IL1RAPL1: variants seen among roughly 807,000 people sequenced by gnomAD.
IL1RAPL1 encodes interleukin-1 receptor accessory protein-like 1.
Under a neutral mutation model 48.4 loss-of-function variants are expected in IL1RAPL1, and 3 were observed. The ratio of observed to expected loss-of-function variants is 0.06; its 90% CI spans 0.03 to 0.16. The LOEUF (loss-of-function observed/expected upper bound fraction) is 0.16. Ranked by LOEUF, IL1RAPL1 falls within the 10% of genes least tolerant of loss-of-function variation. The pLI is 1.00. For synonymous variants in IL1RAPL1, 185 were observed against 187.7 expected (o/e 0.99, Z 0.12); for missense variants, 349 against 530.6 (o/e 0.66, Z 3.36).
At chrX:28,667,263 C>T (rs764028910) in intron 1 of IL1RAPL1, among the ~76,000 whole-genome samples, 3 of 111,980 alleles carry the variant, frequency 2.7e-5, no homozygotes, top group South Asian at 7.5e-4. Context: ...TTTACAGCAC[C>T]GTTACCCTGT....
rs1926847446 is a variant in IL1RAPL1, at chrX:29,694,116, A to G, written c.778+25612A>G. Among the ~76,000 whole-genome samples the G allele has an allele frequency of 2.7e-5, 3 of 111,742 alleles. No individual in the cohort carries two copies. In the South Asian group the frequency reaches 1.1e-3, roughly 41 times the overall value. On this transcript the variant is annotated intron_variant, in intron 6 of 10. Transcript: ENST00000378993. ...TATTGGGCAGCAAAATCAAAACAGA[A>G]TCTGTTGTGTCATCTCTTTGGTACC...
Position 29,955,472 on chromosome X carries a change from T to G in IL1RAPL1, c.1743T>G (p.Phe581Leu). The change falls in exon 11 of 11, where the codon TTT becomes TTG. Residue 581 changes from phenylalanine to leucine, a missense_variant. Phe to Leu is a conservative substitution (Grantham distance 22, BLOSUM62 0). Coordinates refer to ENST00000378993, the MANE Select transcript of IL1RAPL1 (RefSeq NM_014271.4). ...TAGATGTCAGTGAGCAAGGGCCTTT[T>G]GGGGAGCTGCAGACTGTCTCGGCCA... Reference protein sequence around the residue: ...QALDVSEQGPFGELQTVSAIS... With the variant: ...QALDVSEQGPLGELQTVSAIS... 2.1e-5 allele frequency: 26 copies of G among 1,211,563 alleles called. No homozygotes were observed. Among genetic ancestry groups the G allele is most frequent in the Non-Finnish European group, 2.8e-5 (25 of 895,437 alleles).
chrX:29,081,543 A>G (rs1252156842), intron 2 of IL1RAPL1, among the ~76,000 whole-genome samples: 2 of 111,499 alleles, frequency 1.8e-5, no homozygotes, highest in Non-Finnish European at 3.8e-5. Context: ...CTAATTGTGT[A>G]AGAGTTAATC....
intron 5 of IL1RAPL1, among the ~76,000 whole-genome samples, chrX:29,455,295 A>C (rs1418148264): frequency 8.9e-6 from 1 of 112,145 alleles, no homozygotes; most frequent in African/African-American, 3.2e-5. Context: ...TCTTTTCAAT[A>C]CATTTCTTTA....
rs192265427 is a variant in IL1RAPL1, at chrX:28,941,815, G to A, written c.82+152390G>A. 3.4e-3 allele frequency among the ~76,000 whole-genome samples: 368 copies of A among 109,833 alleles called. 3 individuals are homozygous for A. The highest frequency in any genetic ancestry group is 0.011 in the African/African-American group (345 of 30,383). On this transcript the variant is annotated intron_variant, in intron 2 of 10. Transcript: ENST00000378993. ...TTCAGGGAAATACTTGTTTTAAGGG[G>A]AATACCATGTTTTTAAAATCTTTAT...
intron 1 of IL1RAPL1, among the ~76,000 whole-genome samples, chrX:28,720,945 T>C (rs1935567528): frequency 8.9e-6 from 1 of 112,243 alleles, no homozygotes; most frequent in Non-Finnish European, 1.9e-5. Flanking sequence ...TATGGCTGCA[T>C]TATATTCCAT....
chrX:28,726,954 A>C (rs1287019785), intron 1 of IL1RAPL1, among the ~76,000 whole-genome samples: 1 of 112,203 alleles, frequency 8.9e-6, no homozygotes, highest in East Asian at 2.8e-4. Flanking sequence ...GTAGTAATGT[A>C]ATCAGAAGAC....
intron 3 of IL1RAPL1, among the ~76,000 whole-genome samples, chrX:29,372,244 A>G (rs1933555501): frequency 8.9e-6 from 1 of 112,007 alleles, no homozygotes; most frequent in Non-Finnish European, 1.9e-5. Flanking sequence ...GTGTCTGTTC[A>G]TATCCTTTGC....
chrX:29,645,857 G>C (rs748375533), intron 5 of IL1RAPL1, among the ~76,000 whole-genome samples: 3 of 112,109 alleles, frequency 2.7e-5, no homozygotes, highest in Admixed American at 9.4e-5. Flanking sequence ...CAGTGGTCTA[G>C]GGCTTAGGGA....
intron 2 of IL1RAPL1, among the ~76,000 whole-genome samples, chrX:29,228,332 A>AATAT (rs777963523): frequency 1.3e-5 from 1 of 79,559 alleles, no homozygotes; most frequent in Admixed American, 1.5e-4. Context: ...AGTTTTGCCT[A>AATAT]GTGTGTGTGT....
intron 6 of IL1RAPL1, among the ~76,000 whole-genome samples, chrX:29,869,666 C>T (rs1225312524): frequency 1.8e-5 from 2 of 111,140 alleles, no homozygotes; most frequent in African/African-American, 3.3e-5. Context: ...ACTGCCATTC[C>T]ATGGATAATC....
chrX:28,832,425 G>A (rs1429775051), intron 2 of IL1RAPL1, among the ~76,000 whole-genome samples: 2 of 111,078 alleles, frequency 1.8e-5, no homozygotes, highest in Non-Finnish European at 3.8e-5. Flanking sequence ...AAGATTTACA[G>A]TCCCCCAAAT....
In IL1RAPL1 at chrX:29,367,470, T is replaced by C. The variant is rs776041248; in HGVS notation, c.363-28788T>C. On this transcript the variant is annotated intron_variant, in intron 3 of 10. Coordinates refer to ENST00000378993, the MANE Select transcript of IL1RAPL1 (RefSeq NM_014271.4). ...AATTACTGAAGAATGAAAAACAAAG[T>C]GTCTAATGCCTCTGGTTTTGTCAGA... Among the ~76,000 whole-genome samples, 99 of 112,030 alleles carry C rather than the reference T, an allele frequency of 8.8e-4. 1 individual carries two copies. The South Asian group carries it at 0.036, about 40-fold the overall frequency.
chrX:29,503,372 A>C (rs1172713149), intron 5 of IL1RAPL1, among the ~76,000 whole-genome samples: 5 of 109,272 alleles, frequency 4.6e-5, no homozygotes, highest in African/African-American at 1.7e-4. Flanking sequence ...GATCTTTATT[A>C]TTTCTTTCCT....
chrX:29,182,075 G>A (rs1025112734), intron 2 of IL1RAPL1, among the ~76,000 whole-genome samples: 3 of 104,850 alleles, frequency 2.9e-5, no homozygotes, highest in African/African-American at 1.0e-4. Flanking sequence ...AACCAACCAT[G>A]TTATTAGAGA....
chrX:29,265,906 C>T (rs1395740048), intron 2 of IL1RAPL1, among the ~76,000 whole-genome samples: 1 of 109,872 alleles, frequency 9.1e-6, no homozygotes, highest in East Asian at 2.9e-4. Flanking sequence ...CAAATCAAAA[C>T]CACAATGAGA....
intron 2 of IL1RAPL1, among the ~76,000 whole-genome samples, chrX:29,049,163 G>C (rs750324991): frequency 5.3e-5 from 6 of 112,164 alleles, no homozygotes; most frequent in Non-Finnish European, 9.4e-5. Flanking sequence ...AAGGTAACAT[G>C]CATCCCACAA....
intron 2 of IL1RAPL1, chrX:28,942,689 C>T (rs1462817777): frequency 9.6e-6 from 1 of 104,459 alleles, no homozygotes; most frequent in Admixed American, 1.0e-4. Flanking sequence ...TAAAGAGAAT[C>T]GTAAGTTTTA....
At chrX:29,841,618 T>C (rs1424064828) in intron 6 of IL1RAPL1, among the ~76,000 whole-genome samples, 1 of 111,663 alleles carries the variant, frequency 9.0e-6, no homozygotes, top group East Asian at 2.8e-4. Context: ...TGATAAACCA[T>C]GATCCCTGTC....
Sources: allele counts gnomAD v4.1 joint callset (sites outside exome capture counted in the v4.1 genomes callset), GRCh38; gene constraint gnomAD v4.1.1; transcripts MANE v1.5; gene names NCBI Gene and HGNC (gene_info 2026-07-23, HGNC 2026-07-21).